LIN54: variants seen among roughly 807,000 people sequenced by gnomAD.
LIN54 encodes the protein protein lin-54 homolog.
In LIN54, 9 loss-of-function variants were observed where a neutral mutation model predicts 78.7. The ratio of observed to expected loss-of-function variants is 0.11; its 90% CI spans 0.07 to 0.20. LIN54 has a LOEUF of 0.20. Ranked by LOEUF, LIN54 falls within the 10% of genes least tolerant of loss-of-function variation. The pLI is 1.00. For missense variants in LIN54, 573 were observed against 889.9 expected (o/e 0.64, Z 4.53); for synonymous variants, 269 against 318.4 (o/e 0.84, Z 1.65).
chr4:82,936,349 C>T lies in LIN54; in HGVS notation c.1637G>A (p.Cys546Tyr). 6.3e-7 allele frequency: 1 copy of T among 1,575,036 alleles called. No homozygotes were observed. Among genetic ancestry groups the T allele is most frequent in the East Asian group, 2.3e-5 (1 of 44,120 alleles). ...YCDCFANGEF[C>Y]NNCNCTNCYN... ...ACAATTAGTACAATTGCAGTTGTTG[C>T]AAAATTCACCATTTGCAAAGCAATC... The change falls in exon 10 of 13, where the codon TGC (cysteine) becomes TAC (tyrosine). Residue 546 changes from cysteine to tyrosine, a missense_variant. By Grantham distance (194) the Cys-to-Tyr change is radical. This residue lies in a region of LIN54 where 101 missense variants were observed against 194.2 expected (regional missense o/e 0.52). Transcript: ENST00000340417.
chr4:82,971,537 T>A (rs983543306), intron 3 of LIN54, among the ~76,000 whole-genome samples: 39 of 145,792 alleles, frequency 2.7e-4, no homozygotes, highest in South Asian at 4.3e-4. Flanking sequence ...AAATTGAATT[T>A]AAAAAAAAAA....
At chr4:82,944,010 A>G (rs560563246) in intron 5 of LIN54, among the ~76,000 whole-genome samples, 3 of 152,034 alleles carry the variant, frequency 2.0e-5, no homozygotes, top group South Asian at 4.2e-4. Flanking sequence ...CTGGGATTAC[A>G]GGTGTGCACC....
rs1726722424 is a variant in LIN54, at chr4:82,982,113, GAGTTAA to G, written c.684+2042_684+2047del. On this transcript the variant is annotated intron_variant, in intron 2 of 12. Coordinates refer to ENST00000340417, the MANE Select transcript of LIN54 (RefSeq NM_194282.4). ...CTTTTTTTTATTGTCATTACTTAGG[GAGTTAA>G]AGTAGAGAAATAATAGATACAAGCA... Among the ~76,000 whole-genome samples, 2 of 152,034 alleles carry G rather than the reference GAGTTAA, an allele frequency of 1.3e-5. 1 individual carries two copies. Among genetic ancestry groups the G allele is most frequent in the South Asian group, 4.2e-4 (2 of 4,814 alleles).
chr4:82,979,305 T>C (rs1308880811), intron 2 of LIN54, among the ~76,000 whole-genome samples: 2 of 152,022 alleles, frequency 1.3e-5, no homozygotes, highest in African/African-American at 2.4e-5. Context: ...AATGAAAAAA[T>C]AAAACTGTGG....
rs150599091 is a variant in LIN54 at position 82,999,653 on chromosome 4, C to T, written c.-33+10831G>A. ...ATTAGCTGTGCACGGTGGTACACGC[C>T]TGTGGTCCCAGCTACTTGGGAGGCA... is the stretch of plus-strand genomic sequence containing the variant. On this transcript the variant is annotated intron_variant, in intron 1 of 12. Transcript: ENST00000340417. Among the ~76,000 whole-genome samples the T allele has an allele frequency of 1.8e-4, 27 of 151,738 alleles. No individual in the cohort carries two copies. In the East Asian group the frequency reaches 5.3e-3, roughly 30 times the overall value.
Position 82,925,243 on chromosome 4 carries a change from T to C in LIN54, c.*2859A>G, listed in dbSNP as rs1721371321. ...TTTTGTTTTTGAGACAAGGTCTCACTCTGATTGCCAGGCTGGAGTGCAGTG... is the reference window on the plus strand; with the variant it reads ...TTTTGTTTTTGAGACAAGGTCTCACCCTGATTGCCAGGCTGGAGTGCAGTG... On this transcript the variant is annotated 3_prime_UTR_variant, in exon 13 of 13. Transcript: ENST00000340417. 1 of 152,312 alleles carries C rather than the reference T, an allele frequency of 6.6e-6. No homozygotes were observed. Among genetic ancestry groups the C allele is most frequent in the Non-Finnish European group, 1.5e-5 (1 of 68,054 alleles). 9.4% of individuals were successfully genotyped at this position (152,312 alleles called of 1,614,324 possible). A position where few individuals can be genotyped will look rare whatever the true frequency, so the allele number is the denominator to read the frequency against.
chr4:82,975,714 A>T (rs1427627017), intron 3 of LIN54, among the ~76,000 whole-genome samples: 1 of 148,938 alleles, frequency 6.7e-6, no homozygotes, highest in Non-Finnish European at 1.5e-5. Flanking sequence ...ACTCCATCTA[A>T]AAAAAAAAAG....
chr4:82,977,828 C>T (rs933414801), intron 3 of LIN54, among the ~76,000 whole-genome samples: 3 of 152,180 alleles, frequency 2.0e-5, no homozygotes, highest in South Asian at 4.1e-4. Flanking sequence ...GATCCTATAA[C>T]TAGTGAAAGA....
chr4:82,987,138 A>G (rs1458130806), intron 1 of LIN54, among the ~76,000 whole-genome samples: 1 of 152,188 alleles, frequency 6.6e-6, no homozygotes, highest in African/African-American at 2.4e-5. Context: ...TAAAAATACA[A>G]AAATTAGCTA....
intron 4 of LIN54, among the ~76,000 whole-genome samples, chr4:82,968,450 A>G (rs1424773784): frequency 2.0e-5 from 3 of 152,102 alleles, no homozygotes; most frequent in African/African-American, 7.2e-5. Context: ...CTACCCCGTT[A>G]TCTAAGTCAG....
chr4:82,981,490 A>C (rs946289987), intron 2 of LIN54, among the ~76,000 whole-genome samples: 3 of 152,288 alleles, frequency 2.0e-5, no homozygotes, highest in East Asian at 3.9e-4. Context: ...GGGGAAAAAA[A>C]CCAGAAAATC....
intron 1 of LIN54, among the ~76,000 whole-genome samples, chr4:82,985,442 T>G (rs554167123): frequency 6.6e-6 from 1 of 152,206 alleles, no homozygotes; most frequent in African/African-American, 2.4e-5. Flanking sequence ...GCAGATCAAA[T>G]AGCATTTGTG....
intron 3 of LIN54, among the ~76,000 whole-genome samples, chr4:82,977,799 C>T (rs140467357): frequency 2.4e-4 from 37 of 152,232 alleles, no homozygotes; most frequent in African/African-American, 4.8e-4. Flanking sequence ...AAGCCTTTAG[C>T]ACAGTAGAAA....
intron 1 of LIN54, among the ~76,000 whole-genome samples, chr4:82,997,683 T>A (rs1031723912): frequency 1.3e-5 from 2 of 151,930 alleles, no homozygotes; most frequent in Non-Finnish European, 2.9e-5. Flanking sequence ...AGATATGATT[T>A]AGGATGGTGA....
At chr4:82,974,052 T>C (rs1725917116) in intron 3 of LIN54, among the ~76,000 whole-genome samples, 1 of 151,758 alleles carries the variant, frequency 6.6e-6, no homozygotes, top group East Asian at 1.9e-4. Context: ...CTACTAAAAA[T>C]ACAAAAAATT....
intron 11 of LIN54, among the ~76,000 whole-genome samples, chr4:82,933,379 C>CA (rs111591156): frequency 0.022 from 2,962 of 136,162 alleles, 101 homozygotes; most frequent in African/African-American, 0.073. Context: ...TCCCCTATAC[C>CA]AAAAAAAAAA....
chr4:83,008,531 A>G (rs1729592758), intron 1 of LIN54, among the ~76,000 whole-genome samples: 1 of 152,144 alleles, frequency 6.6e-6, no homozygotes, highest in African/African-American at 2.4e-5. Flanking sequence ...GGGCGCCTGT[A>G]GTCCCAGCTA....
At chr4:82,995,489 CTTTTTTTTTTTTT>C (rs749880882) in intron 1 of LIN54, among the ~76,000 whole-genome samples, 1 of 76,348 alleles carries the variant, frequency 1.3e-5, no homozygotes, top group Non-Finnish European at 2.4e-5. Flanking sequence ...ATCCTTATCT[CTTTTTTTTTTTTT>C]TTTTTTTTTT....
intron 11 of LIN54, 89 bp from the exon 12 acceptor site, chr4:82,931,234 C>CT: frequency 2.2e-6 from 2 of 898,610 alleles, no homozygotes; most frequent in Non-Finnish European, 3.6e-6. Context: ...CAGCTAATAG[C>CT]ATTACCTGGT....
Sources: allele counts gnomAD v4.1 joint callset (sites outside exome capture counted in the v4.1 genomes callset), GRCh38; gene constraint gnomAD v4.1.1; regional missense constraint gnomAD v4.1.1; transcripts MANE v1.5; gene names NCBI Gene and HGNC (gene_info 2026-07-23, HGNC 2026-07-21).